PTGES3: variants seen among roughly 807,000 people sequenced by gnomAD.
The protein encoded by PTGES3 is prostaglandin E synthase 3.
Under a neutral mutation model 29.9 loss-of-function variants are expected in PTGES3, and 5 were observed. The ratio of observed to expected loss-of-function variants is 0.17; its 90% CI spans 0.09 to 0.35. The LOEUF (loss-of-function observed/expected upper bound fraction) is 0.35, where lower values mean the gene tolerates loss of function less well. PTGES3 is among the 10% of genes least tolerant of loss of function. PTGES3 has a pLI of 1.00. For missense variants in PTGES3, 128 were observed against 190.0 expected, an observed-to-expected ratio of 0.67 and a Z score of 1.92; for synonymous variants, 49 against 57.8, an observed-to-expected ratio of 0.85 and a Z score of 0.69.
chr12:56,665,244 A>C, intron 6 of PTGES3: 1 of 904,448 alleles, frequency 1.1e-6, no homozygotes, highest in African/African-American at 1.8e-5. Context: ...TGAGAAAAGT[A>C]GTTTAGTGTA....
intron 1 of PTGES3, chr12:56,687,573 C>G: frequency 1.9e-6 from 2 of 1,034,718 alleles, no homozygotes; most frequent in Non-Finnish European, 2.3e-6. Context: ...ACCACAGGTG[C>G]ACTCGACTCA....
At chr12:56,664,530 G>C (rs1385790763) in intron 7 of PTGES3, 32 bp from the exon 8 acceptor site, 1 of 1,569,714 alleles carries the variant, frequency 6.4e-7, no homozygotes, top group East Asian at 2.3e-5. Flanking sequence ...TTAGTATATA[G>C]TACAAGTGAA....
At chr12:56,667,556 T>C (rs1456654302) in intron 5 of PTGES3, among the ~76,000 whole-genome samples, 6 of 152,140 alleles carry the variant, frequency 3.9e-5, no homozygotes, top group African/African-American at 2.4e-5. Context: ...CTATGTGAAA[T>C]AAGCCAGTCA....
chr12:56,685,063 A>G (rs1349360732), intron 1 of PTGES3, among the ~76,000 whole-genome samples: 1 of 152,024 alleles, frequency 6.6e-6, no homozygotes, highest in Non-Finnish European at 1.5e-5. Flanking sequence ...TAGAGGTTGC[A>G]GCTGCACTCC....
chr12:56,682,775 T>C (rs946647085), intron 1 of PTGES3, among the ~76,000 whole-genome samples: 1 of 148,842 alleles, frequency 6.7e-6, no homozygotes, highest in African/African-American at 2.5e-5. Flanking sequence ...TCCTAGCACT[T>C]TGGAAGGCCA....
chr12:56,686,562 C>G (rs1028083819), intron 1 of PTGES3, among the ~76,000 whole-genome samples: 1 of 151,806 alleles, frequency 6.6e-6, no homozygotes, highest in Non-Finnish European at 1.5e-5. Context: ...ATTTTTGCAG[C>G]GACGCGGTTT....
At chr12:56,669,269 C>T (rs1370772875) in intron 5 of PTGES3, among the ~76,000 whole-genome samples, 2 of 151,426 alleles carry the variant, frequency 1.3e-5, no homozygotes, top group African/African-American at 2.4e-5. Context: ...CTCGGCTCAC[C>T]GCAACCTCCA....
intron 1 of PTGES3, among the ~76,000 whole-genome samples, chr12:56,676,730 C>A (rs529628587): frequency 6.6e-6 from 1 of 151,568 alleles, no homozygotes; most frequent in Non-Finnish European, 1.5e-5. Context: ...TGAAGTCAGC[C>A]TGGACAACAT....
At chr12:56,687,479 C>T (rs1329348232) in intron 1 of PTGES3, 1 of 991,068 alleles carries the variant, frequency 1.0e-6, no homozygotes, top group Non-Finnish European at 1.2e-6. Flanking sequence ...TGGCTTCCTT[C>T]TAGTTGCCTA....
At chr12:56,665,567 T>G in intron 6 of PTGES3, 1 of 985,350 alleles carries the variant, frequency 1.0e-6, no homozygotes, top group Non-Finnish European at 1.2e-6. Context: ...TCCATCTGTT[T>G]TATCGGTCTC....
chr12:56,664,815 A>G lies in PTGES3; in HGVS notation c.439-15T>C. The G allele has an allele frequency of 2.1e-5, 34 of 1,598,048 alleles. No individual in the cohort carries two copies. Among genetic ancestry groups the G allele is most frequent in the Non-Finnish European group, 2.9e-5 (34 of 1,169,534 alleles). ...TCTTGTGAATCCTGAAAGAGGGAAAATAAAGTTACCGAGCTGATCAAATAT... is the reference window on the plus strand; with the variant it reads ...TCTTGTGAATCCTGAAAGAGGGAAAGTAAAGTTACCGAGCTGATCAAATAT... On this transcript the variant is annotated splice_polypyrimidine_tract_variant and intron_variant, in intron 6 of 7. Coordinates refer to ENST00000262033, the MANE Select transcript of PTGES3 (RefSeq NM_006601.7).
chr12:56,686,519 C>T (rs1405377402), intron 1 of PTGES3, among the ~76,000 whole-genome samples: 1 of 152,066 alleles, frequency 6.6e-6, no homozygotes, highest in East Asian at 1.9e-4. Context: ...GGATTACAGG[C>T]ATGTGCCACC....
intron 1 of PTGES3, among the ~76,000 whole-genome samples, chr12:56,684,720 C>G (rs913511421): frequency 6.6e-6 from 1 of 152,196 alleles, no homozygotes; most frequent in Non-Finnish European, 1.5e-5. Flanking sequence ...GTAGCACCCT[C>G]TGGCAAGGTT....
chr12:56,681,398 T>C (rs1952534314), intron 1 of PTGES3, among the ~76,000 whole-genome samples: 1 of 151,286 alleles, frequency 6.6e-6, no homozygotes, highest in Admixed American at 6.6e-5. Flanking sequence ...ATTAGCCGGA[T>C]GAGGTGGCGG....
At chr12:56,677,416 C>G (rs1454460698) in intron 1 of PTGES3, among the ~76,000 whole-genome samples, 1 of 152,096 alleles carries the variant, frequency 6.6e-6, no homozygotes, top group Non-Finnish European at 1.5e-5. Flanking sequence ...TTGTTGTGCT[C>G]TTAAGCCAAA....
chr12:56,670,122 G>T (rs117531513), intron 5 of PTGES3, among the ~76,000 whole-genome samples, 153 bp downstream of exon 5: 2,597 of 152,158 alleles, frequency 0.017, 32 homozygotes, highest in Middle Eastern at 0.037. Flanking sequence ...AATTGCCATT[G>T]TTAACATCTA....
chr12:56,687,548 C>A (rs563086966), intron 1 of PTGES3: 367 of 1,010,622 alleles, frequency 3.6e-4, no homozygotes, highest in Non-Finnish European at 4.0e-4. Flanking sequence ...CTCCGCCAGG[C>A]ACCTGGCGGC....
At chr12:56,676,182 C>T (rs957054313) in intron 1 of PTGES3, among the ~76,000 whole-genome samples, 2 of 145,182 alleles carry the variant, frequency 1.4e-5, no homozygotes, top group East Asian at 2.0e-4. Context: ...GCCGAGATCA[C>T]GCCACTGCAC....
intron 1 of PTGES3, among the ~76,000 whole-genome samples, chr12:56,675,355 G>A (rs1231405407): frequency 6.6e-6 from 1 of 151,814 alleles, no homozygotes; most frequent in African/African-American, 2.4e-5. Context: ...ATATGATCAT[G>A]TCCCAGATAA....
Sources: gnomAD v4.1 joint callset for allele counts (sites outside exome capture counted in the v4.1 genomes callset) on GRCh38, gnomAD v4.1.1 for gene constraint, MANE v1.5 for transcripts, NCBI Gene and HGNC (gene_info 2026-07-23, HGNC 2026-07-21) for gene names.